Variants in CLYBL observed in about 807,000 individuals in gnomAD.
CLYBL encodes citramalyl-CoA lyase.
Under a neutral mutation model 38.9 loss-of-function variants are expected in CLYBL, and 31 were observed. That is an observed-to-expected ratio of 0.80 (90% confidence interval 0.60 to 1.08). The LOEUF (loss-of-function observed/expected upper bound fraction) is 1.08, where lower values mean the gene tolerates loss of function less well. CLYBL is among the 50% of genes least tolerant of loss of function. The pLI is 0.00. For missense variants in CLYBL, 434 were observed against 411.6 expected, an observed-to-expected ratio of 1.05 and a Z score of -0.47; for synonymous variants, 171 against 158.6, an observed-to-expected ratio of 1.08 and a Z score of -0.59.
chr13:99,661,503 A>G (rs2047408977), intron 1 of CLYBL, among the ~76,000 whole-genome samples: 3 of 152,226 alleles, frequency 2.0e-5, no homozygotes, highest in South Asian at 4.1e-4. Flanking sequence ...AAACCTGTAT[A>G]TTTATTTTTT....
chr13:99,821,430 G>C (rs1434438211), intron 2 of CLYBL, among the ~76,000 whole-genome samples: 1 of 152,146 alleles, frequency 6.6e-6, no homozygotes, highest in East Asian at 1.9e-4. Context: ...ATCAAAAATT[G>C]CTCCTGTTAT....
Position 99,773,524 on chromosome 13 carries a change from C to T in CLYBL, c.249+514C>T, listed in dbSNP as rs151202474. ...GCGCACGTGAAGGATCTAGGTTGCA[C>T]GCTCCTTGTAAGAATCTAACTAATG... On this transcript the variant is annotated intron_variant, in intron 2 of 8. Coordinates refer to ENST00000339105, the MANE Select transcript of CLYBL (RefSeq NM_206808.5). Among the ~76,000 whole-genome samples the T allele has an allele frequency of 9.9e-4, 150 of 152,216 alleles. 1 individual carries two copies. The Middle Eastern group carries it at 0.014, about 14-fold the overall frequency.
At chr13:99,800,967 G>A (rs184296966) in intron 2 of CLYBL, among the ~76,000 whole-genome samples, 2 of 151,678 alleles carry the variant, frequency 1.3e-5, no homozygotes, top group African/African-American at 4.8e-5. Context: ...CTAACTGATA[G>A]GATAAAATCA....
intron 2 of CLYBL, among the ~76,000 whole-genome samples, chr13:99,800,499 G>A (rs1421910928): frequency 6.6e-6 from 1 of 152,142 alleles, no homozygotes; most frequent in East Asian, 1.9e-4. Flanking sequence ...TACTGCTTGG[G>A]CCTGATTTCA....
intron 1 of CLYBL, among the ~76,000 whole-genome samples, chr13:99,707,981 T>C (rs2048171370): frequency 6.6e-6 from 1 of 151,988 alleles, no homozygotes; most frequent in African/African-American, 2.4e-5. Flanking sequence ...GGGTATTTAG[T>C]TTTGTTTTGT....
chr13:99,716,399 T>TCTTTC (rs1555293168), intron 1 of CLYBL, among the ~76,000 whole-genome samples: 1 of 134,590 alleles, frequency 7.4e-6, no homozygotes, highest in African/African-American at 3.1e-5. Flanking sequence ...TCTTTTCTTT[T>TCTTTC]TTTTTTTTTT....
Position 99,678,209 on chromosome 13 carries a change from GT to G in CLYBL, c.62+71455del, listed in dbSNP as rs997107340. Among the ~76,000 whole-genome samples the G allele has an allele frequency of 3.5e-4, 54 of 152,288 alleles. 1 individual carries two copies. The highest frequency in any genetic ancestry group is 1.2e-3 in the African/African-American group (49 of 41,564). ...TACGGCTGAACATTTTGTCATTGTT[GT>G]TTCAGAAGGTCTGCTCTAACATCTG... is the stretch of plus-strand genomic sequence containing the variant. On this transcript the variant is annotated intron_variant, in intron 1 of 8. Coordinates refer to ENST00000339105, the MANE Select transcript of CLYBL (RefSeq NM_206808.5).
chr13:99,688,427 G>C (rs1040708014), intron 1 of CLYBL, among the ~76,000 whole-genome samples: 1 of 152,156 alleles, frequency 6.6e-6, no homozygotes, highest in Non-Finnish European at 1.5e-5. Flanking sequence ...TACTTTGTAA[G>C]ATTGCCTTAA....
At chr13:99,794,621 A>G (rs2049986540) in intron 2 of CLYBL, among the ~76,000 whole-genome samples, 1 of 53,798 alleles carries the variant, frequency 1.9e-5, no homozygotes, top group Non-Finnish European at 3.8e-5. Flanking sequence ...AGATGGAGTC[A>G]TATGCTGTCA....
At chr13:99,755,956 T>C (rs1448267823) in intron 1 of CLYBL, among the ~76,000 whole-genome samples, 3 of 152,236 alleles carry the variant, frequency 2.0e-5, no homozygotes, top group African/African-American at 7.2e-5. Flanking sequence ...TTTCTCACTC[T>C]GCCTCCTAAG....
chr13:99,721,654 G>A (rs538411198), intron 1 of CLYBL, among the ~76,000 whole-genome samples: 1 of 123,132 alleles, frequency 8.1e-6, no homozygotes, highest in Non-Finnish European at 1.6e-5. Context: ...ATTTTCAATC[G>A]TGTCCTATTC....
chr13:99,899,621 A>C (rs929455378), downstream of CLYBL, among the ~76,000 whole-genome samples: 4 of 152,224 alleles, frequency 2.6e-5, no homozygotes, highest in African/African-American at 9.6e-5. Flanking sequence ...CAACGATACG[A>C]ATGTACTTAA....
At chr13:99,731,908 C>G (rs984510941) in intron 1 of CLYBL, among the ~76,000 whole-genome samples, 1 of 152,170 alleles carries the variant, frequency 6.6e-6, no homozygotes, top group African/African-American at 2.4e-5. Context: ...TGAGAACTGT[C>G]CTTTAATTGC....
At chr13:99,798,729 G>A (rs948036123) in intron 2 of CLYBL, among the ~76,000 whole-genome samples, 3 of 152,160 alleles carry the variant, frequency 2.0e-5, no homozygotes, top group Admixed American at 6.5e-5. Flanking sequence ...GAACAGTTAC[G>A]TTTTATAACT....
At chr13:99,642,221 G>A (rs2047106373) in intron 1 of CLYBL, among the ~76,000 whole-genome samples, 1 of 152,170 alleles carries the variant, frequency 6.6e-6, no homozygotes, top group East Asian at 1.9e-4. Flanking sequence ...CCCTGTGCAT[G>A]CTGACTCTTC....
intron 7 of CLYBL, among the ~76,000 whole-genome samples, chr13:99,886,601 C>A (rs1594247173): frequency 6.6e-6 from 1 of 152,214 alleles, no homozygotes; most frequent in African/African-American, 2.4e-5. Context: ...CAAATAACGC[C>A]ATAGGTAACT....
chr13:99,877,982 G>A (rs1318429293), intron 7 of CLYBL, among the ~76,000 whole-genome samples: 1 of 151,988 alleles, frequency 6.6e-6, no homozygotes, highest in East Asian at 1.9e-4. Flanking sequence ...CAAAAAAAAA[G>A]TGAGGCAATT....
intron 1 of CLYBL, among the ~76,000 whole-genome samples, chr13:99,634,585 G>T (rs1225412595): frequency 3.9e-5 from 6 of 152,140 alleles, no homozygotes; most frequent in Admixed American, 2.0e-4. Context: ...AGAGCTTGGA[G>T]TATGAAAAAG....
intron 1 of CLYBL, among the ~76,000 whole-genome samples, chr13:99,747,509 C>G (rs1478341579): frequency 6.6e-6 from 1 of 152,032 alleles, no homozygotes. Flanking sequence ...GGAGCCACTC[C>G]GGGAGCTGCC....
Sources: allele counts gnomAD v4.1 joint callset (sites outside exome capture counted in the v4.1 genomes callset), GRCh38; gene constraint gnomAD v4.1.1; transcripts MANE v1.5; gene names NCBI Gene and HGNC (gene_info 2026-07-23, HGNC 2026-07-21).